The following THSD7A variants were observed in gnomAD, a reference collection of about 807,000 sequenced individuals.
THSD7A encodes thrombospondin type 1 domain containing 7A.
In THSD7A, 96 loss-of-function variants were observed where a neutral mutation model predicts 231.3. The ratio of observed to expected loss-of-function variants is 0.41; its 90% CI spans 0.35 to 0.49. THSD7A has a LOEUF of 0.49. Ranked by LOEUF, THSD7A falls within the 20% of genes least tolerant of loss-of-function variation. THSD7A has a pLI of 0.05. For missense variants in THSD7A, 2,290 were observed against 2,070.2 expected (o/e 1.11, Z -2.06); for synonymous variants, 940 against 743.3 (o/e 1.26, Z -4.30).
At chr7:11,420,555 T>G (rs1478560068) in intron 16 of THSD7A, among the ~76,000 whole-genome samples, 2 of 152,226 alleles carry the variant, frequency 1.3e-5, no homozygotes, top group African/African-American at 4.8e-5. Context: ...AGAAGTCTGT[T>G]GCAGGGGTGG....
Position 11,481,844 on chromosome 7 carries a change from G to A in THSD7A, c.1961C>T (p.Thr654Met), listed in dbSNP as rs776111424. The change falls in exon 7 of 28, where the codon ACG becomes ATG. Residue 654 changes from threonine to methionine, a missense_variant. Coordinates refer to ENST00000423059, the MANE Select transcript of THSD7A (RefSeq NM_015204.3). ...SSCSHTCSGK[T>M]TEGKQIRARS... ...TGCTCGTATCTGTTTCCCTTCTGTCGTTTTCCCTGAGCAGGTGTGTGAGCA... is the reference window on the plus strand; with the variant it reads ...TGCTCGTATCTGTTTCCCTTCTGTCATTTTCCCTGAGCAGGTGTGTGAGCA... 22 of 1,613,482 alleles carry A rather than the reference G, an allele frequency of 1.4e-5. No individual in the cohort carries two copies. The highest frequency in any genetic ancestry group is 1.6e-4 in the Middle Eastern group (1 of 6,080).
chr7:11,723,099 T>C (rs1434793245), intron 1 of THSD7A, among the ~76,000 whole-genome samples: 1 of 151,856 alleles, frequency 6.6e-6, no homozygotes, highest in Non-Finnish European at 1.5e-5. Flanking sequence ...AATGACAGAC[T>C]GGATTAAGAA....
At chr7:11,468,779 G>C (rs1785813349) in intron 9 of THSD7A, among the ~76,000 whole-genome samples, 1 of 152,004 alleles carries the variant, frequency 6.6e-6, no homozygotes, top group Non-Finnish European at 1.5e-5. Context: ...GGTTGCAATG[G>C]GCCGAAATTG....
intron 4 of THSD7A, among the ~76,000 whole-genome samples, chr7:11,567,312 G>A (rs1346819424): frequency 6.6e-6 from 1 of 152,038 alleles, no homozygotes; most frequent in Non-Finnish European, 1.5e-5. Flanking sequence ...AGGGGGAAGA[G>A]CCCCTTATAA....
intron 2 of THSD7A, among the ~76,000 whole-genome samples, chr7:11,619,730 A>G (rs1039839854): frequency 5.9e-5 from 9 of 152,234 alleles, no homozygotes; most frequent in African/African-American, 1.9e-4. Context: ...CCCAATTTAC[A>G]TACTTTTAAA....
chr7:11,761,476 A>G (rs957208476), intron 1 of THSD7A, among the ~76,000 whole-genome samples: 2 of 152,080 alleles, frequency 1.3e-5, no homozygotes, highest in Non-Finnish European at 2.9e-5. Context: ...TCATTTCATT[A>G]TATGTATGTA....
At chr7:11,823,527 T>A (rs1165047840) in intron 1 of THSD7A, among the ~76,000 whole-genome samples, 1 of 152,124 alleles carries the variant, frequency 6.6e-6, no homozygotes, top group Non-Finnish European at 1.5e-5. Flanking sequence ...TTGCATTGAA[T>A]CTGTAGATTT....
intron 2 of THSD7A, among the ~76,000 whole-genome samples, chr7:11,633,225 T>C (rs1393613330): frequency 1.3e-5 from 2 of 152,176 alleles, no homozygotes; most frequent in East Asian, 1.9e-4. Flanking sequence ...TGGTATACTT[T>C]CATACCATCT....
intron 13 of THSD7A, among the ~76,000 whole-genome samples, chr7:11,431,150 T>G (rs1024640500): frequency 6.6e-6 from 1 of 152,210 alleles, no homozygotes; most frequent in Non-Finnish European, 1.5e-5. Flanking sequence ...CTTGTCAAAC[T>G]TGTTATTGTC....
chr7:11,648,398 G>A (rs1307291987), intron 1 of THSD7A, among the ~76,000 whole-genome samples: 1 of 152,018 alleles, frequency 6.6e-6, no homozygotes, highest in Non-Finnish European at 1.5e-5. Flanking sequence ...AGAAGTAGGT[G>A]CCATGGGAGT....
At chr7:11,669,979 G>A (rs1013517699) in intron 1 of THSD7A, among the ~76,000 whole-genome samples, 213 of 152,114 alleles carry the variant, frequency 1.4e-3, no homozygotes, top group Non-Finnish European at 2.5e-3. Flanking sequence ...TCATGTGTGT[G>A]TGTGTGTGTG....
At chr7:11,658,514 T>C (rs1244882730) in intron 1 of THSD7A, among the ~76,000 whole-genome samples, 1 of 151,572 alleles carries the variant, frequency 6.6e-6, no homozygotes, top group Non-Finnish European at 1.5e-5. Flanking sequence ...AATGTCTCTC[T>C]GAGGGTGTGT....
intron 7 of THSD7A, among the ~76,000 whole-genome samples, chr7:11,476,053 G>T (rs1257398579): frequency 6.9e-6 from 1 of 144,138 alleles, no homozygotes; most frequent in Non-Finnish European, 1.5e-5. Flanking sequence ...AATGAAACTT[G>T]TTAGGATCTA....
chr7:11,386,164 C>T (rs189655697), intron 23 of THSD7A, among the ~76,000 whole-genome samples: 22 of 152,254 alleles, frequency 1.4e-4, no homozygotes, highest in African/African-American at 4.3e-4. Context: ...GTGAACAGTG[C>T]TGCAATAAAC....
chr7:11,620,162 A>G (rs1781256189), intron 2 of THSD7A, among the ~76,000 whole-genome samples: 1 of 152,182 alleles, frequency 6.6e-6, no homozygotes, highest in African/African-American at 2.4e-5. Context: ...CTAAATTGTA[A>G]TTTCCTTGAA....
chr7:11,412,672 A>G lies in THSD7A; in HGVS notation c.3666T>C (p.Tyr1222=), dbSNP rs367994317. ...PCNLNKNCYH[Y]DYNVTDWSTC... ...TCCATGTACCTGTTACATTATAATC[A>G]TAGTGGTAGCAGTTTTTGTTCAGGT... is the stretch of plus-strand genomic sequence containing the variant. The change falls in exon 18 of 28, where the codon TAT becomes TAC. Residue 1222 remains tyrosine, a synonymous_variant. Coordinates refer to ENST00000423059, the MANE Select transcript of THSD7A (RefSeq NM_015204.3). 34 of 1,613,830 alleles carry G rather than the reference A, an allele frequency of 2.1e-5. No individual in the cohort carries two copies. In the African/African-American group the frequency reaches 3.5e-4, roughly 16 times the overall value.
intron 4 of THSD7A, among the ~76,000 whole-genome samples, chr7:11,551,991 A>G (rs140578051): frequency 6.6e-6 from 1 of 151,996 alleles, no homozygotes; most frequent in African/African-American, 2.4e-5. Flanking sequence ...GGTACAAAAA[A>G]AGAAAGAAAT....
At chr7:11,497,138 A>G (rs1048851315) in intron 6 of THSD7A, among the ~76,000 whole-genome samples, 1 of 152,212 alleles carries the variant, frequency 6.6e-6, no homozygotes, top group African/African-American at 2.4e-5. Flanking sequence ...GGCAGGAAGC[A>G]GAAGAATGAG....
intron 1 of THSD7A, among the ~76,000 whole-genome samples, chr7:11,717,680 T>G (rs913955373): frequency 1.1e-4 from 16 of 151,778 alleles, no homozygotes; most frequent in African/African-American, 3.4e-4. Context: ...GGAGCCCATT[T>G]TGCCTGTTCT....
Sources: allele counts gnomAD v4.1 joint callset (sites outside exome capture counted in the v4.1 genomes callset), GRCh38; gene constraint gnomAD v4.1.1; transcripts MANE v1.5; gene names NCBI Gene and HGNC (gene_info 2026-07-23, HGNC 2026-07-21).